C1QTNF7: variants seen among roughly 807,000 people sequenced by gnomAD.
The protein encoded by C1QTNF7 is complement C1q tumor necrosis factor-related protein 7.
Under a neutral mutation model 19.6 loss-of-function variants are expected in C1QTNF7, and 15 were observed. That is an observed-to-expected ratio of 0.76 (90% CI 0.51 to 1.18). The LOEUF is 1.18. C1QTNF7 is among the 50% of genes most tolerant of loss of function. The probability of loss-of-function intolerance (pLI) is 0.00; values close to 1 mark genes in which losing one functional copy is unlikely to be tolerated. For synonymous variants in C1QTNF7, 142 were observed against 137.5 expected, an observed-to-expected ratio of 1.03 and a Z score of -0.23; for missense variants, 324 against 359.7, an observed-to-expected ratio of 0.90 and a Z score of 0.80.
intron 1 of C1QTNF7, among the ~76,000 whole-genome samples, chr4:15,365,001 C>T (rs1448909288): frequency 6.6e-6 from 1 of 152,062 alleles, no homozygotes; most frequent in Non-Finnish European, 1.5e-5. Flanking sequence ...ATATCATCAC[C>T]TGGGGCTTCA....
At chr4:15,421,394 G>C (rs13138481) in intron 1 of C1QTNF7, among the ~76,000 whole-genome samples, 39,700 of 151,942 alleles carry the variant, frequency 0.26, 6,018 homozygotes, top group East Asian at 0.38. Context: ...AACAAGAGGA[G>C]CATAGAGAAC....
chr4:15,354,657 G>C (rs1271710349), intron 1 of C1QTNF7, among the ~76,000 whole-genome samples: 1 of 152,088 alleles, frequency 6.6e-6, no homozygotes, highest in East Asian at 1.9e-4. Context: ...ATGTGGAAAT[G>C]TCATGAGAAC....
At chr4:15,388,836 A>G (rs1718444879) in intron 1 of C1QTNF7, among the ~76,000 whole-genome samples, 1 of 152,208 alleles carries the variant, frequency 6.6e-6, no homozygotes, top group Non-Finnish European at 1.5e-5. Context: ...GGAAGGTGGT[A>G]TAATTAGTAG....
rs2108938222 is a variant in C1QTNF7 at position 15,435,606 on chromosome 4, G to A, written c.-8-130G>A. ...TATGAAGGTAAACAGTGTTTTACAT[G>A]TCTGGAAAGACGAACACTGGAGTGA... On this transcript the variant is annotated intron_variant, in intron 1 of 2. Transcript: ENST00000444304. The A allele has an allele frequency of 3.0e-6, 4 of 1,312,896 alleles. No homozygotes were observed. In the South Asian group the frequency reaches 5.8e-5, roughly 19 times the overall value. 81.3% of individuals were successfully genotyped at this position (1,312,896 alleles called of 1,614,324 possible). A position where few individuals can be genotyped will look rare whatever the true frequency, so the allele number is the denominator to read the frequency against.
At chr4:15,404,703 G>T (rs1560358165) in intron 1 of C1QTNF7, among the ~76,000 whole-genome samples, 4 of 152,176 alleles carry the variant, frequency 2.6e-5, no homozygotes, top group Admixed American at 1.3e-4. Flanking sequence ...GTTGACTGCG[G>T]TAGGGTTGTC....
chr4:15,394,000 G>T (rs1718686183), intron 1 of C1QTNF7, among the ~76,000 whole-genome samples: 1 of 152,174 alleles, frequency 6.6e-6, no homozygotes, highest in Admixed American at 6.6e-5. Flanking sequence ...TAGGGCCAAG[G>T]CAGGAGGGCT....
chr4:15,385,894 A>T (rs1026639073), intron 1 of C1QTNF7, among the ~76,000 whole-genome samples: 2 of 152,256 alleles, frequency 1.3e-5, no homozygotes, highest in Non-Finnish European at 2.9e-5. Flanking sequence ...ATTACATTAG[A>T]TTACTCTGTT....
chr4:15,429,197 A>G (rs1712192595), intron 1 of C1QTNF7, among the ~76,000 whole-genome samples: 1 of 152,186 alleles, frequency 6.6e-6, no homozygotes. Context: ...ATTCCAATTC[A>G]TTTTTATTCA....
chr4:15,391,432 A>C (rs1240931735), intron 1 of C1QTNF7, among the ~76,000 whole-genome samples: 1 of 152,154 alleles, frequency 6.6e-6, no homozygotes, highest in Non-Finnish European at 1.5e-5. Flanking sequence ...ACGTTTTGAG[A>C]GAAGGAGAAG....
intron 1 of C1QTNF7, among the ~76,000 whole-genome samples, chr4:15,383,130 C>A (rs1276831417): frequency 6.6e-6 from 1 of 152,146 alleles, no homozygotes; most frequent in African/African-American, 2.4e-5. Flanking sequence ...CTGTGCTGTA[C>A]CCACATGTAC....
At chr4:15,385,516 T>C (rs548004261) in intron 1 of C1QTNF7, among the ~76,000 whole-genome samples, 1 of 152,210 alleles carries the variant, frequency 6.6e-6, no homozygotes, top group South Asian at 2.1e-4. Context: ...GATGCCAGGG[T>C]GGCTGGAAAG....
intron 1 of C1QTNF7, among the ~76,000 whole-genome samples, chr4:15,353,573 T>A (rs1035455339): frequency 1.3e-5 from 2 of 152,128 alleles, no homozygotes; most frequent in African/African-American, 4.8e-5. Context: ...ATCTGTGATG[T>A]CTCTAATTGT....
At chr4:15,413,071 C>G (rs1299498371) in intron 1 of C1QTNF7, among the ~76,000 whole-genome samples, 1 of 152,176 alleles carries the variant, frequency 6.6e-6, no homozygotes, top group African/African-American at 2.4e-5. Flanking sequence ...CTTCAAAGCC[C>G]AGTTAGTGTC....
upstream of C1QTNF7, among the ~76,000 whole-genome samples, chr4:15,425,468 G>C (rs1222994405): frequency 6.6e-6 from 1 of 152,174 alleles, no homozygotes; most frequent in African/African-American, 2.4e-5. Flanking sequence ...GCAGCTACTG[G>C]AGATGATATA....
chr4:15,414,052 C>T (rs563500235), intron 1 of C1QTNF7, among the ~76,000 whole-genome samples: 18 of 152,314 alleles, frequency 1.2e-4, no homozygotes, highest in Admixed American at 9.2e-4. Flanking sequence ...AGACCTCAAG[C>T]GTTCCTCACT....
intron 1 of C1QTNF7, among the ~76,000 whole-genome samples, chr4:15,405,430 C>G (rs1382232234): frequency 1.3e-5 from 2 of 152,116 alleles, no homozygotes; most frequent in Admixed American, 6.5e-5. Context: ...CCAAGCCCTC[C>G]CACAAAGGCA....
chr4:15,366,523 C>T (rs566315663), intron 1 of C1QTNF7, among the ~76,000 whole-genome samples: 2 of 152,242 alleles, frequency 1.3e-5, no homozygotes, highest in African/African-American at 4.8e-5. Context: ...CTTTGCCTCC[C>T]TCCTCTGCCT....
At chr4:15,420,496 C>T (rs1234522731) in intron 1 of C1QTNF7, among the ~76,000 whole-genome samples, 2 of 152,204 alleles carry the variant, frequency 1.3e-5, no homozygotes, top group East Asian at 1.9e-4. Flanking sequence ...CTGCTCCTCC[C>T]TGCACCAACA....
intron 1 of C1QTNF7, among the ~76,000 whole-genome samples, chr4:15,380,633 A>G (rs1718102326): frequency 6.6e-6 from 1 of 152,174 alleles, no homozygotes; most frequent in Admixed American, 6.5e-5. Context: ...CCAGTCTTTC[A>G]TTTAAAAAAG....
Sources: gnomAD v4.1 joint callset for allele counts (sites outside exome capture counted in the v4.1 genomes callset) on GRCh38, gnomAD v4.1.1 for gene constraint, MANE v1.5 for transcripts, NCBI Gene and HGNC (gene_info 2026-07-23, HGNC 2026-07-21) for gene names.